The following AGBL4 variants were observed in gnomAD, a reference collection of about 807,000 sequenced individuals.
AGBL4 encodes AGBL carboxypeptidase 4, also known as cytosolic carboxypeptidase 6.
Under a neutral mutation model 66.4 loss-of-function variants are expected in AGBL4, and 58 were observed. The ratio of observed to expected loss-of-function variants is 0.87; its 90% CI spans 0.71 to 1.09. The LOEUF is 1.09. Ranked by LOEUF, AGBL4 falls within the 50% of genes least tolerant of loss-of-function variation. The pLI, the probability that AGBL4 is intolerant of heterozygous loss-of-function variation, is 0.00. For synonymous variants in AGBL4, 234 were observed against 222.9 expected, an observed-to-expected ratio of 1.05 and a Z score of -0.44; for missense variants, 579 against 631.0, an observed-to-expected ratio of 0.92 and a Z score of 0.88.
chr1:49,132,028 T>A (rs1645907773), intron 4 of AGBL4, among the ~76,000 whole-genome samples: 1 of 152,046 alleles, frequency 6.6e-6, no homozygotes, highest in Non-Finnish European at 1.5e-5. Flanking sequence ...TCCCAGGGAA[T>A]TCATAAACTG....
intron 11 of AGBL4, among the ~76,000 whole-genome samples, chr1:48,573,238 C>T (rs1411709295): frequency 1.3e-5 from 2 of 152,186 alleles, no homozygotes; most frequent in African/African-American, 4.8e-5. Flanking sequence ...TCATTTCTCG[C>T]TTACTATGCC....
At chr1:49,472,451 A>C (rs1188168672) in intron 3 of AGBL4, among the ~76,000 whole-genome samples, 1 of 152,044 alleles carries the variant, frequency 6.6e-6, no homozygotes, top group Non-Finnish European at 1.5e-5. Context: ...GAAACAAAAA[A>C]ATAAAGAATC....
At chr1:49,875,418 G>C (rs1475087303) in intron 1 of AGBL4, among the ~76,000 whole-genome samples, 2 of 137,910 alleles carry the variant, frequency 1.5e-5, no homozygotes, top group Non-Finnish European at 3.1e-5. Flanking sequence ...TTGGTTTTTT[G>C]TTCTTGCGAT....
At chr1:48,852,015 C>CTTTTTTTTTT (rs138826187) in intron 6 of AGBL4, among the ~76,000 whole-genome samples, 5 of 71,934 alleles carry the variant, frequency 7.0e-5, no homozygotes, top group African/African-American at 2.0e-4. Flanking sequence ...CAGATACGTA[C>CTTTTTTTTTT]TTTTTTTTTT....
chr1:49,846,383 A>G, intron 2 of AGBL4: 1 of 1,541,584 alleles, frequency 6.5e-7, no homozygotes, highest in Non-Finnish European at 8.9e-7. Flanking sequence ...CAAGCACCAG[A>G]GAACTCACAC....
chr1:48,902,048 C>T (rs1652132266), intron 5 of AGBL4, among the ~76,000 whole-genome samples: 1 of 152,128 alleles, frequency 6.6e-6, no homozygotes. Flanking sequence ...CATCAGATCT[C>T]ATGAGACTTG....
intron 3 of AGBL4, among the ~76,000 whole-genome samples, chr1:49,602,703 G>C (rs1644983756): frequency 6.6e-6 from 1 of 151,908 alleles, no homozygotes; most frequent in Non-Finnish European, 1.5e-5. Context: ...TGGGGTTGGG[G>C]GGCTAGGGGA....
At chr1:48,842,265 CT>C (rs914120667) in intron 6 of AGBL4, among the ~76,000 whole-genome samples, 1 of 151,630 alleles carries the variant, frequency 6.6e-6, no homozygotes, top group Non-Finnish European at 1.5e-5. Flanking sequence ...TTTCCTTTTT[CT>C]TTTTTTTTCT....
intron 3 of AGBL4, among the ~76,000 whole-genome samples, chr1:49,661,332 A>C (rs1646265336): frequency 6.6e-6 from 1 of 152,090 alleles, no homozygotes; most frequent in African/African-American, 2.4e-5. Flanking sequence ...TTGAAATGTG[A>C]CTTCCAATGT....
intron 3 of AGBL4, among the ~76,000 whole-genome samples, chr1:49,504,911 T>A (rs1001017701): frequency 3.9e-5 from 6 of 152,036 alleles, no homozygotes; most frequent in African/African-American, 1.4e-4. Flanking sequence ...ATTTTTTAGA[T>A]CCTTTGTTTC....
At chr1:49,863,541 ATAAT>A (rs1415832980) in intron 1 of AGBL4, among the ~76,000 whole-genome samples, 1 of 152,218 alleles carries the variant, frequency 6.6e-6, no homozygotes. Context: ...CATCTGACAA[ATAAT>A]TAATAACAAG....
At chr1:49,912,990 G>A (rs577547924) in intron 1 of AGBL4, among the ~76,000 whole-genome samples, 9 of 152,240 alleles carry the variant, frequency 5.9e-5, no homozygotes, top group South Asian at 2.1e-4. Context: ...CTGTTATAAC[G>A]ACAATTAAAT....
At chr1:49,022,957 A>T (rs575612627) in intron 5 of AGBL4, among the ~76,000 whole-genome samples, 1 of 152,328 alleles carries the variant, frequency 6.6e-6, no homozygotes, top group Admixed American at 6.5e-5. Flanking sequence ...GTCCAGAGAT[A>T]AATGTTGAAA....
chr1:49,411,423 A>C (rs899560181), intron 3 of AGBL4, among the ~76,000 whole-genome samples: 2 of 152,170 alleles, frequency 1.3e-5, no homozygotes, highest in Non-Finnish European at 2.9e-5. Flanking sequence ...TCAAATGTTA[A>C]TCTCTTCTGG....
intron 7 of AGBL4, among the ~76,000 whole-genome samples, chr1:48,654,408 G>C (rs1645985752): frequency 6.6e-6 from 1 of 152,150 alleles, no homozygotes; most frequent in Non-Finnish European, 1.5e-5. Context: ...CTGAGCCATT[G>C]TCCCTCTCCT....
intron 6 of AGBL4, among the ~76,000 whole-genome samples, chr1:48,664,935 G>T (rs565132811): frequency 7.9e-5 from 12 of 152,332 alleles, no homozygotes; most frequent in Admixed American, 6.5e-4. Flanking sequence ...GATCTGGAGG[G>T]AGAGAATAGA....
chr1:48,649,828 A>G (rs1490715519), intron 8 of AGBL4, among the ~76,000 whole-genome samples: 1 of 152,252 alleles, frequency 6.6e-6, no homozygotes, highest in Non-Finnish European at 1.5e-5. Context: ...TATAACTTAC[A>G]GTGTGCTTAG....
At chr1:48,993,881 A>C (rs1299679137) in intron 5 of AGBL4, among the ~76,000 whole-genome samples, 1 of 152,208 alleles carries the variant, frequency 6.6e-6, no homozygotes, top group Non-Finnish European at 1.5e-5. Flanking sequence ...GGGTGGCATC[A>C]GCAATTCAAG....
intron 1 of AGBL4, among the ~76,000 whole-genome samples, chr1:49,892,291 T>C (rs1648734353): frequency 6.6e-6 from 1 of 152,224 alleles, no homozygotes; most frequent in African/African-American, 2.4e-5. Flanking sequence ...TGCCTTTCTC[T>C]GACTTGTTAA....
Sources: gnomAD v4.1 joint callset for allele counts (sites outside exome capture counted in the v4.1 genomes callset) on GRCh38, gnomAD v4.1.1 for gene constraint, MANE v1.5 for transcripts, NCBI Gene and HGNC (gene_info 2026-07-23, HGNC 2026-07-21) for gene names.